ARHGAP28: variants seen among roughly 807,000 people sequenced by gnomAD.
The protein encoded by ARHGAP28 is Rho GTPase activating protein 28.
Under a neutral mutation model 90.7 loss-of-function variants are expected in ARHGAP28, and 56 were observed. The ratio of observed to expected loss-of-function variants is 0.62; its 90% CI spans 0.50 to 0.77. The LOEUF (loss-of-function observed/expected upper bound fraction) is 0.77. Ranked by LOEUF, ARHGAP28 falls within the 30% of genes least tolerant of loss-of-function variation. ARHGAP28 has a pLI of 0.00. For synonymous variants in ARHGAP28, 308 were observed against 323.3 expected (o/e 0.95, Z 0.51); for missense variants, 869 against 900.9 (o/e 0.96, Z 0.45).
At chr18:6,820,255 A>G (rs1473054415) in intron 1 of ARHGAP28, among the ~76,000 whole-genome samples, 1 of 152,222 alleles carries the variant, frequency 6.6e-6, no homozygotes, top group African/African-American at 2.4e-5. Context: ...GATATTCTTG[A>G]TATGAAAAAA....
At chr18:6,762,638 G>T (rs186137260) in intron 1 of ARHGAP28, among the ~76,000 whole-genome samples, 6 of 151,906 alleles carry the variant, frequency 3.9e-5, no homozygotes, top group Non-Finnish European at 7.4e-5. Context: ...GGCCTTTAAA[G>T]AGTTAATTAA....
intron 1 of ARHGAP28, chr18:6,789,091 T>G (rs1338475869): frequency 6.6e-6 from 1 of 152,198 alleles, no homozygotes; most frequent in Non-Finnish European, 1.5e-5. Flanking sequence ...AATGCCGCAG[T>G]TCATGACTTG....
chr18:6,857,494 C>A (rs1206130006), intron 4 of ARHGAP28, among the ~76,000 whole-genome samples: 1 of 152,154 alleles, frequency 6.6e-6, no homozygotes, highest in African/African-American at 2.4e-5. Context: ...GAAGTGAGTA[C>A]CATGTGGTCA....
At chr18:6,741,674 G>A (rs147596347) in intron 1 of ARHGAP28, among the ~76,000 whole-genome samples, 26 of 152,288 alleles carry the variant, frequency 1.7e-4, no homozygotes, top group Non-Finnish European at 2.8e-4. Context: ...TCAAGGAAGT[G>A]CTTTGCCATT....
In ARHGAP28 at chr18:6,898,857, G is replaced by A. The variant is rs1030737820; in HGVS notation, c.2030+2231G>A. ...TGTGAGGATGTAAAGGCCTAAGAAT[G>A]ACACCATGGACTTTGGGGAGTCAGG... On this transcript the variant is annotated intron_variant, in intron 16 of 17. Transcript: ENST00000383472. 1.2e-5 allele frequency: 8 copies of A among 693,012 alleles called. No individual in the cohort carries two copies. In the East Asian group the frequency reaches 5.7e-4, roughly 50 times the overall value. The allele number at this position is 693,012 out of a possible 1,614,324, so 42.9% of individuals were successfully genotyped here. A position where few individuals can be genotyped will look rare whatever the true frequency, so the allele number is the denominator to read the frequency against.
chr18:6,867,435 A>G (rs2057045852), intron 5 of ARHGAP28, among the ~76,000 whole-genome samples: 1 of 152,106 alleles, frequency 6.6e-6, no homozygotes. Context: ...AATTTATAAG[A>G]TTTGCATGTA....
At chr18:6,810,350 C>T (rs549853120) in intron 1 of ARHGAP28, among the ~76,000 whole-genome samples, 32 of 152,238 alleles carry the variant, frequency 2.1e-4, no homozygotes, top group African/African-American at 6.7e-4. Flanking sequence ...CCAGGGAAAG[C>T]ATGAACAAAG....
At chr18:6,892,426 A>C (rs1052328759) in intron 14 of ARHGAP28, among the ~76,000 whole-genome samples, 2 of 152,218 alleles carry the variant, frequency 1.3e-5, no homozygotes, top group African/African-American at 4.8e-5. Flanking sequence ...TGCTGGGATG[A>C]CAGGAGTGAA....
chr18:6,850,937 CAT>C, intron 3 of ARHGAP28, 95 bp from the exon 4 acceptor site: 1 of 1,547,918 alleles, frequency 6.5e-7, no homozygotes, highest in Non-Finnish European at 8.8e-7. Context: ...GGCAGCTGTA[CAT>C]ATATATAAAA....
chr18:6,742,561 CAT>C (rs1335743827), intron 1 of ARHGAP28, among the ~76,000 whole-genome samples: 2 of 152,134 alleles, frequency 1.3e-5, no homozygotes, highest in Non-Finnish European at 2.9e-5. Context: ...ATGAGTTTGA[CAT>C]GTGAAATTTC....
chr18:6,910,988 G>GGTCC, intron 17 of ARHGAP28, among the ~76,000 whole-genome samples: 2 of 151,900 alleles, frequency 1.3e-5, no homozygotes, highest in Non-Finnish European at 2.9e-5. Flanking sequence ...GGGATTACAG[G>GGTCC]CGCCCATCAC....
chr18:6,824,244 C>G (rs8086279), intron 1 of ARHGAP28, among the ~76,000 whole-genome samples: 98,256 of 151,940 alleles, frequency 0.65, 32,351 homozygotes, highest in Non-Finnish European at 0.72. Context: ...TTATAAAGTA[C>G]AGAGAATTTT....
chr18:6,760,270 A>G (rs1291721243), intron 1 of ARHGAP28, among the ~76,000 whole-genome samples: 3 of 152,180 alleles, frequency 2.0e-5, no homozygotes, highest in Non-Finnish European at 4.4e-5. Context: ...TAAGTTTCTG[A>G]TGCTGTGAAG....
chr18:6,731,286 G>A (rs2055879815), intron 1 of ARHGAP28, among the ~76,000 whole-genome samples: 1 of 125,098 alleles, frequency 8.0e-6, no homozygotes. Context: ...ATATATATAT[G>A]TGTGCGTGTG....
At chr18:6,730,027 G>A (rs769402298) in intron 1 of ARHGAP28, 84 bp downstream of exon 1, 22 of 1,233,744 alleles carry the variant, frequency 1.8e-5, no homozygotes, top group Non-Finnish European at 2.2e-5. Context: ...GTGCCTGAGC[G>A]CACGACCGCC....
chr18:6,731,530 C>T (rs894215893), intron 1 of ARHGAP28, among the ~76,000 whole-genome samples: 15 of 152,296 alleles, frequency 9.8e-5, no homozygotes, highest in Admixed American at 9.2e-4. Context: ...GCAAGCGTTA[C>T]GTGTCAGAGC....
intron 1 of ARHGAP28, among the ~76,000 whole-genome samples, chr18:6,763,275 GT>G (rs778793080): frequency 6.6e-6 from 1 of 151,984 alleles, no homozygotes; most frequent in Non-Finnish European, 1.5e-5. Context: ...TAAAGATGGG[GT>G]TTCACCACGT....
intron 1 of ARHGAP28, among the ~76,000 whole-genome samples, chr18:6,807,343 T>C (rs1158943749): frequency 6.6e-6 from 1 of 152,220 alleles, no homozygotes; most frequent in Non-Finnish European, 1.5e-5. Context: ...TCATATTCTC[T>C]TGCTTATTTG....
intron 1 of ARHGAP28, among the ~76,000 whole-genome samples, chr18:6,739,855 C>A (rs1286928842): frequency 7.4e-6 from 1 of 134,822 alleles, no homozygotes; most frequent in African/African-American, 2.7e-5. Context: ...CATAAGAATT[C>A]TTTTTTTTTT....
Sources: allele counts gnomAD v4.1 joint callset (sites outside exome capture counted in the v4.1 genomes callset), GRCh38; gene constraint gnomAD v4.1.1; transcripts MANE v1.5; gene names NCBI Gene and HGNC (gene_info 2026-07-23, HGNC 2026-07-21).